CHL1: variants seen among roughly 807,000 people sequenced by gnomAD.
CHL1 encodes the protein cell adhesion molecule L1 like.
Under a neutral mutation model 141.9 loss-of-function variants are expected in CHL1, and 96 were observed. The ratio of observed to expected loss-of-function variants is 0.68; its 90% CI spans 0.57 to 0.80. CHL1 has a LOEUF of 0.80. CHL1 is among the 30% of genes least tolerant of loss of function. The pLI is 0.00. For synonymous variants in CHL1, 613 were observed against 502.2 expected, an observed-to-expected ratio of 1.22 and a Z score of -2.95; for missense variants, 1,820 against 1,457.2, an observed-to-expected ratio of 1.25 and a Z score of -4.05.
intron 15 of CHL1, among the ~76,000 whole-genome samples, chr3:369,349 C>T (rs983392109): frequency 6.6e-6 from 1 of 151,496 alleles, no homozygotes; most frequent in Non-Finnish European, 1.5e-5. Context: ...GTATTTGATT[C>T]TCTTTGTAGC....
intron 4 of CHL1, among the ~76,000 whole-genome samples, chr3:326,471 C>T (rs1480860901): frequency 4.0e-5 from 6 of 151,702 alleles, no homozygotes; most frequent in Non-Finnish European, 8.8e-5. Flanking sequence ...TAAATTTAAA[C>T]ATCTTATTTT....
chr3:307,294 A>T (rs1166570105), intron 2 of CHL1, among the ~76,000 whole-genome samples: 1 of 152,236 alleles, frequency 6.6e-6, no homozygotes, highest in Non-Finnish European at 1.5e-5. Context: ...GCTCATAAGT[A>T]TGTGTACACA....
intron 2 of CHL1, among the ~76,000 whole-genome samples, chr3:257,353 C>CTTCTTCTTCTTCTTCTT (rs1694266914): frequency 7.3e-6 from 1 of 137,166 alleles, no homozygotes; most frequent in African/African-American, 2.7e-5. Context: ...TTTTCTTCTT[C>CTTCTTCTTCTTCTTCTT]TTTTTTTTTT....
chr3:252,365 T>G (rs1214795245), intron 2 of CHL1, among the ~76,000 whole-genome samples: 5 of 108,698 alleles, frequency 4.6e-5, no homozygotes, highest in East Asian at 4.8e-4. Context: ...CATCCAGATA[T>G]ATATATATAT....
At chr3:255,920 C>G (rs1160702240) in intron 2 of CHL1, among the ~76,000 whole-genome samples, 2 of 152,206 alleles carry the variant, frequency 1.3e-5, no homozygotes, top group African/African-American at 4.8e-5. Context: ...GTTTTTTACA[C>G]TATCTAAAAG....
intron 26 of CHL1, among the ~76,000 whole-genome samples, chr3:399,929 G>C (rs1181788795): frequency 6.6e-6 from 1 of 152,162 alleles, no homozygotes; most frequent in Non-Finnish European, 1.5e-5. Context: ...GCATGTAGTA[G>C]ACACACTGCC....
At chr3:341,331 CAT>C (rs1186885229) in intron 6 of CHL1, among the ~76,000 whole-genome samples, 1 of 152,172 alleles carries the variant, frequency 6.6e-6, no homozygotes, top group Non-Finnish European at 1.5e-5. Context: ...GTGATCTCTA[CAT>C]GTTTTCTCAT....
At chr3:306,380 A>G (rs1420175702) in intron 2 of CHL1, among the ~76,000 whole-genome samples, 1 of 152,216 alleles carries the variant, frequency 6.6e-6, no homozygotes, top group Admixed American at 6.5e-5. Context: ...TATCCAAAGC[A>G]CTGATACATC....
intron 8 of CHL1, among the ~76,000 whole-genome samples, chr3:343,430 G>C (rs1432602931): frequency 1.3e-5 from 2 of 152,100 alleles, no homozygotes; most frequent in East Asian, 1.9e-4. Flanking sequence ...TTTTTTTCTT[G>C]CAAGGCTTTT....
At chr3:221,403 C>T (rs571574704) in intron 1 of CHL1, among the ~76,000 whole-genome samples, 2 of 152,248 alleles carry the variant, frequency 1.3e-5, no homozygotes, top group South Asian at 2.1e-4. Flanking sequence ...CACAGAAGAT[C>T]GATATCAACT....
chr3:219,839 A>G (rs1700666955), intron 1 of CHL1, among the ~76,000 whole-genome samples: 1 of 152,210 alleles, frequency 6.6e-6, no homozygotes, highest in Non-Finnish European at 1.5e-5. Flanking sequence ...ACTTAAAATG[A>G]AAGTTTTTTA....
chr3:361,958 C>T, intron 13 of CHL1, 148 bp downstream of exon 13: 2 of 576,690 alleles, frequency 3.5e-6, no homozygotes, highest in East Asian at 5.6e-5. Context: ...ACTTACCGGT[C>T]CAGGAAATTA....
At chr3:354,558 C>T (rs1228042949) in intron 10 of CHL1, 82 bp from the exon 11 acceptor site, 1 of 1,475,282 alleles carries the variant, frequency 6.8e-7, no homozygotes, top group Non-Finnish European at 9.1e-7. Context: ...TCTGCTGGTG[C>T]AAAGTAGAAA....
intron 1 of CHL1, among the ~76,000 whole-genome samples, chr3:222,082 C>T (rs987830274): frequency 2.6e-5 from 4 of 152,162 alleles, no homozygotes; most frequent in African/African-American, 9.7e-5. Context: ...AATGTAAGTT[C>T]TTAACTACAC....
chr3:209,738 T>G (rs1483654481), intron 1 of CHL1, among the ~76,000 whole-genome samples: 1 of 152,184 alleles, frequency 6.6e-6, no homozygotes, highest in Non-Finnish European at 1.5e-5. Flanking sequence ...ACAGGCCCCG[T>G]GTGTGATGTT....
chr3:218,573 T>C (rs972309810), intron 1 of CHL1, among the ~76,000 whole-genome samples: 3 of 152,208 alleles, frequency 2.0e-5, no homozygotes, highest in Non-Finnish European at 4.4e-5. Context: ...CTGCCCTAAG[T>C]TTTAGCCCAT....
chr3:340,694 T>C, intron 5 of CHL1, 100 bp from the exon 6 acceptor site: 1 of 1,002,134 alleles, frequency 1.0e-6, no homozygotes, highest in South Asian at 1.8e-5. Context: ...AGAATTTATT[T>C]AAATTGCTGA....
At chr3:393,197 C>A (rs905223142) in intron 23 of CHL1, among the ~76,000 whole-genome samples, 3 of 146,836 alleles carry the variant, frequency 2.0e-5, no homozygotes, top group Non-Finnish European at 4.5e-5. Context: ...GGAGCCACTG[C>A]ACTCCAGCCT....
At chr3:318,728 A>G (rs546080330) in intron 2 of CHL1, among the ~76,000 whole-genome samples, 10 of 151,154 alleles carry the variant, frequency 6.6e-5, no homozygotes, top group African/African-American at 7.3e-5. Context: ...GTTCTTTATT[A>G]TTTCTTTCCT....
Sources: gnomAD v4.1 joint callset for allele counts (sites outside exome capture counted in the v4.1 genomes callset) on GRCh38, gnomAD v4.1.1 for gene constraint, MANE v1.5 for transcripts, NCBI Gene and HGNC (gene_info 2026-07-23, HGNC 2026-07-21) for gene names.